The following MALRD1 variants were observed in gnomAD, a reference collection of about 807,000 sequenced individuals.
MALRD1 encodes MAM and LDL-receptor class A domain-containing protein 1.
MALRD1 carries 247 observed loss-of-function variants against 242.1 expected under a neutral mutation model. The ratio of observed to expected loss-of-function variants is 1.02; its 90% confidence interval spans 0.92 to 1.13. MALRD1 has a LOEUF of 1.13. Ranked by LOEUF, MALRD1 falls within the 50% of genes most tolerant of loss-of-function variation. The pLI, the probability that MALRD1 is intolerant of heterozygous loss-of-function variation, is 0.00. For missense variants in MALRD1, 2,989 were observed against 2,533.1 expected, an observed-to-expected ratio of 1.18 and a Z score of -3.86; for synonymous variants, 995 against 866.6, an observed-to-expected ratio of 1.15 and a Z score of -2.60.
intron 18 of MALRD1, among the ~76,000 whole-genome samples, chr10:19,250,408 T>C (rs965405072): frequency 6.6e-6 from 1 of 151,994 alleles, no homozygotes; most frequent in African/African-American, 2.4e-5. Flanking sequence ...TTTCTCCTCA[T>C]TCACATAATA....
intron 32 of MALRD1, among the ~76,000 whole-genome samples, chr10:19,543,429 A>ATTTTTTTTTTTTTT (rs1364193801): frequency 2.3e-5 from 1 of 43,874 alleles, no homozygotes; most frequent in African/African-American, 7.6e-5. Context: ...TGCCCAGCTG[A>ATTTTTTTTTTTTTT]TTTCTTTTTT....
Position 19,422,337 on chromosome 10 carries a change from G to A in MALRD1, c.4846-27970G>A, listed in dbSNP as rs530208397. Among the ~76,000 whole-genome samples, 244 of 152,252 alleles carry A rather than the reference G, an allele frequency of 1.6e-3. 1 individual carries two copies. Among genetic ancestry groups the A allele is most frequent in the African/African-American group, 5.4e-3 (224 of 41,560 alleles). On this transcript the variant is annotated intron_variant, in intron 28 of 39. Coordinates refer to ENST00000454679, the MANE Select transcript of MALRD1 (RefSeq NM_001142308.3). ...ACATTTCAAACAAAACAATAACAAAGCTATTGGTGAGAAAATATCTTTTAG... is the reference window on the plus strand; with the variant it reads ...ACATTTCAAACAAAACAATAACAAAACTATTGGTGAGAAAATATCTTTTAG...
At chr10:19,648,619 A>G (rs1840744424) in intron 36 of MALRD1, among the ~76,000 whole-genome samples, 1 of 152,204 alleles carries the variant, frequency 6.6e-6, no homozygotes, top group Non-Finnish European at 1.5e-5. Context: ...AGATCAAGTG[A>G]ATACAAACTT....
intron 26 of MALRD1, among the ~76,000 whole-genome samples, chr10:19,380,764 T>G (rs1157517382): frequency 1.4e-4 from 22 of 152,318 alleles, no homozygotes; most frequent in Admixed American, 1.4e-3. Flanking sequence ...ATACATTACA[T>G]AAAAATTTGG....
At chr10:19,225,578 C>T (rs547275262) in intron 18 of MALRD1, among the ~76,000 whole-genome samples, 4 of 151,984 alleles carry the variant, frequency 2.6e-5, no homozygotes, top group Non-Finnish European at 5.9e-5. Context: ...TTAGTGTGAC[C>T]GAAGTATCAT....
intron 32 of MALRD1, among the ~76,000 whole-genome samples, chr10:19,547,715 T>G (rs553110974): frequency 7.4e-6 from 1 of 135,282 alleles, no homozygotes; most frequent in East Asian, 2.3e-4. Flanking sequence ...TTAAACCTAA[T>G]AACAGATCTA....
intron 21 of MALRD1, among the ~76,000 whole-genome samples, chr10:19,285,937 G>A (rs1304306380): frequency 9.9e-6 from 1 of 100,972 alleles, no homozygotes; most frequent in African/African-American, 4.0e-5. Flanking sequence ...CTTGAGCAGT[G>A]GTTTGTAGTT....
intron 31 of MALRD1, among the ~76,000 whole-genome samples, chr10:19,499,330 T>C (rs1837862345): frequency 2.0e-5 from 3 of 152,136 alleles, no homozygotes; most frequent in Admixed American, 1.3e-4. Flanking sequence ...ATGCTAATTT[T>C]ATGTGTCAAA....
At chr10:19,502,681 C>T (rs973124321) in intron 31 of MALRD1, among the ~76,000 whole-genome samples, 5 of 152,106 alleles carry the variant, frequency 3.3e-5, no homozygotes, top group Admixed American at 2.6e-4. Flanking sequence ...TGGACAATAA[C>T]GTGTGGACAC....
At chr10:19,534,569 T>C (rs11599807) in intron 32 of MALRD1, among the ~76,000 whole-genome samples, 1,654 of 152,304 alleles carry the variant, frequency 0.011, 13 homozygotes, top group Non-Finnish European at 0.015. Flanking sequence ...TCTGAACTTG[T>C]GGTGGGAAAA....
chr10:19,178,591 C>G (rs1272136060), intron 14 of MALRD1, among the ~76,000 whole-genome samples: 1 of 152,192 alleles, frequency 6.6e-6, no homozygotes, highest in African/African-American at 2.4e-5. Flanking sequence ...ATGAAAATCG[C>G]AAGTGCTACT....
rs1354853125 is a variant in MALRD1 at position 19,352,069 on chromosome 10, G to C, written c.4213G>C (p.Val1405Leu). The change falls in exon 26 of 40, where the codon GTC (valine) becomes CTC (leucine). Residue 1405 changes from valine to leucine, a missense_variant. Transcript: ENST00000454679. ...GGCACTCACCTTAATGCAGGTGTCA[G>C]TCACAAACCAAACGAAGGTTCTACT... Reference protein sequence around the residue: ...IGALTLMQVSVTNQTKVLLNL... With the variant: ...IGALTLMQVSLTNQTKVLLNL... 2 of 1,550,330 alleles carry C rather than the reference G, an allele frequency of 1.3e-6. No individual in the cohort carries two copies. Among genetic ancestry groups the C allele is most frequent in the African/African-American group, 1.4e-5 (1 of 73,020 alleles).
chr10:19,689,629 A>AG (rs1842739751), intron 36 of MALRD1, among the ~76,000 whole-genome samples: 1 of 152,178 alleles, frequency 6.6e-6, no homozygotes, highest in African/African-American at 2.4e-5. Flanking sequence ...TGAATATTGA[A>AG]AAAATTATCT....
chr10:19,673,025 G>A (rs923282632), intron 36 of MALRD1, among the ~76,000 whole-genome samples: 2 of 152,052 alleles, frequency 1.3e-5, no homozygotes, highest in Admixed American at 6.6e-5. Context: ...GATAACTTAG[G>A]ACATTCGATT....
At chr10:19,406,523 C>A (rs1847119891) in intron 28 of MALRD1, among the ~76,000 whole-genome samples, 1 of 152,120 alleles carries the variant, frequency 6.6e-6, no homozygotes, top group Non-Finnish European at 1.5e-5. Context: ...GCTTAGAGCA[C>A]AAGCTGTTAT....
At chr10:19,177,036 G>A (rs910998052) in intron 14 of MALRD1, among the ~76,000 whole-genome samples, 4 of 151,956 alleles carry the variant, frequency 2.6e-5, no homozygotes, top group Non-Finnish European at 5.9e-5. Context: ...TAGCACTTTG[G>A]GAGGCTGAGC....
intron 29 of MALRD1, among the ~76,000 whole-genome samples, chr10:19,486,748 A>G (rs1249984300): frequency 1.3e-5 from 2 of 152,152 alleles, no homozygotes; most frequent in East Asian, 1.9e-4. Flanking sequence ...TATTATCTAT[A>G]TAATGATTAT....
intron 32 of MALRD1, among the ~76,000 whole-genome samples, chr10:19,548,888 T>C (rs910348519): frequency 4.6e-5 from 7 of 152,184 alleles, no homozygotes; most frequent in Non-Finnish European, 1.0e-4. Flanking sequence ...GAGGAAAGCA[T>C]GTCGAAAGGT....
At chr10:19,099,173 C>A (rs1836156753) in intron 4 of MALRD1, among the ~76,000 whole-genome samples, 1 of 152,160 alleles carries the variant, frequency 6.6e-6, no homozygotes, top group Non-Finnish European at 1.5e-5. Flanking sequence ...CCGGCATTCA[C>A]CCGTGCAAGC....
Sources: gnomAD v4.1 joint callset for allele counts (sites outside exome capture counted in the v4.1 genomes callset) on GRCh38, gnomAD v4.1.1 for gene constraint, MANE v1.5 for transcripts, NCBI Gene and HGNC (gene_info 2026-07-23, HGNC 2026-07-21) for gene names.